MUC6: variants seen among roughly 807,000 people sequenced by gnomAD.
MUC6 encodes mucin 6, oligomeric mucus/gel-forming (gene/pseudogene).
In MUC6, 188 loss-of-function variants were observed where a neutral mutation model predicts 201.5. The ratio of observed to expected loss-of-function variants is 0.93; its 90% CI spans 0.83 to 1.05. The LOEUF (loss-of-function observed/expected upper bound fraction) is 1.05. MUC6 is among the 50% of genes least tolerant of loss of function. The pLI, the probability that MUC6 is intolerant of heterozygous loss-of-function variation, is 0.00. For missense variants in MUC6, 2,706 were observed against 3,256.9 expected (o/e 0.83, Z 4.12); for synonymous variants, 1,228 against 1,389.4 (o/e 0.88, Z 2.58).
chr11:1,022,944 ATG>A (rs1425775451), intron 26 of MUC6, among the ~76,000 whole-genome samples: 5 of 149,422 alleles, frequency 3.3e-5, no homozygotes, highest in Non-Finnish European at 7.4e-5. Context: ...GAGTGAACAA[ATG>A]TGCGTAAATG....
intron 13 of MUC6, 92 bp downstream of exon 13, chr11:1,028,554 G>A: frequency 6.5e-7 from 1 of 1,549,868 alleles, no homozygotes; most frequent in Non-Finnish European, 8.7e-7. Flanking sequence ...AGAGGGTTGT[G>A]TGAACCTCTC....
Position 1,016,586 on chromosome 11 carries a change from C to A in MUC6, c.6215G>T (p.Ser2072Ile), listed in dbSNP as rs374417487. The stretch of plus-strand genomic sequence containing the variant: ...TGTGCTGAATGAGCTGTGGGTTTGG[C>A]TGGTCCCACTGGTGGTCACTGTCAT... ...PPMTVTTSGT[S>I]QTHSSFSTAT... The change falls in exon 31 of 33, where the codon AGC (serine) becomes ATC (isoleucine). Residue 2072 changes from serine to isoleucine, a missense_variant. By Grantham distance (142) the Ser-to-Ile change is moderately radical. Around this residue, in one of 10 missense-constraint regions of MUC6, gnomAD observed 586 missense variants for 488.0 expected, o/e 1.20. Coordinates refer to ENST00000421673, the MANE Select transcript of MUC6 (RefSeq NM_005961.3). 50 of 1,613,574 alleles carry A rather than the reference C, an allele frequency of 3.1e-5. No homozygotes were observed. The highest frequency in any genetic ancestry group is 3.6e-5 in the Non-Finnish European group (43 of 1,179,598).
At position 1,028,390 on chromosome 11, in the gene MUC6, G is replaced by T. The variant is rs542190560; in HGVS notation, c.1592-3C>A. 10 of 1,611,424 alleles carry T rather than the reference G, an allele frequency of 6.2e-6. No individual in the cohort carries two copies. The highest frequency in any genetic ancestry group is 8.5e-6 in the Non-Finnish European group (10 of 1,179,638). ...CCCGTTGAAGTTGCCGCAGAGCCCT[G>T]AGCCGGCGGGGCGTGAGCTCGACTT... On this transcript the variant is annotated splice_region_variant and splice_polypyrimidine_tract_variant and intron_variant, in intron 13 of 32. Transcript: ENST00000421673.
chr11:1,033,318 C>T lies in MUC6; in HGVS notation c.53-243G>A. The T allele has an allele frequency of 1.8e-6, 1 of 568,826 alleles. No individual in the cohort carries two copies. The allele number at this position is 568,826 out of a possible 1,614,324, so 35.2% of individuals were successfully genotyped here. ...ACTCCCTCGTTTGTCCACTCAGTCC[C>T]AGTTCAGCCGTCAGCCCCTCGGGGT... On this transcript the variant is annotated intron_variant, in intron 1 of 32. Coordinates refer to ENST00000421673, the MANE Select transcript of MUC6 (RefSeq NM_005961.3). This position sits in a 1 kb window ranked among gnomAD's most constrained non-coding sequence, Gnocchi z 5.6.
Position 1,021,277 on chromosome 11 carries a change from C to T in MUC6, c.3527G>A (p.Gly1176Asp), listed in dbSNP as rs564268536. The T allele has an allele frequency of 1.1e-4, 172 of 1,568,924 alleles. 6 individuals carry two copies. In the South Asian group the frequency reaches 2.0e-3, roughly 18 times the overall value. Residue 1176 changes from glycine (G) to aspartate (D), a missense_variant and splice_region_variant, in exon 27 of 33, where the codon GGC (glycine) becomes GAC (aspartate). This residue lies in a region of MUC6 where 1,850 missense variants were observed against 1,958.3 expected (regional missense o/e 0.94). Transcript: ENST00000421673. ...PQSVPGSNIE[G>D]CYNCSQDEYF... ...CTCATCCTGGGAGCAGTTGTAGCAGCCTAGGGTGGAGAACGGCCAGGGTCT... is the reference window on the plus strand; with the variant it reads ...CTCATCCTGGGAGCAGTTGTAGCAGTCTAGGGTGGAGAACGGCCAGGGTCT...
rs370813594 is a variant in MUC6 at position 1,029,332 on chromosome 11, G to T, written c.1171C>A (p.Arg391=). The part of the protein sequence containing the change: ...CTLGRWVCTE[R]PCPGHCSLEG... ...AGGGAGCAGTGTCCGGGGCACGGCC[G>T]CTCCGTGCACACCCAGCGGCCCAGG... Residue 391 remains arginine (R), a synonymous_variant, in exon 10 of 33, where the codon CGG becomes AGG. Transcript: ENST00000421673. 6 of 1,603,672 alleles carry T rather than the reference G, an allele frequency of 3.7e-6. No homozygotes were observed. The African/African-American group carries it at 8.0e-5, about 21-fold the overall frequency.
In MUC6 at chr11:1,033,030, T is replaced by C; in HGVS notation, c.98A>G (p.Lys33Arg). 6.2e-7 allele frequency: 1 copy of C among 1,605,926 alleles called. No individual in the cohort carries two copies. Among genetic ancestry groups the C allele is most frequent in the Non-Finnish European group, 8.5e-7 (1 of 1,173,704 alleles). ...SYTSPGLQRLKDSPQTAPDKG... is the reference protein window; with the variant it reads ...SYTSPGLQRLRDSPQTAPDKG... ...GTTCTTACCTGTCTGTGGAGAGTCC[T>C]TCAGCCTCTGGAGGCCTGGGCTGGT... Residue 33 changes from lysine to arginine, a missense_variant, in exon 2 of 33, where the codon AAG (lysine) becomes AGG (arginine). Coordinates refer to ENST00000421673, the MANE Select transcript of MUC6 (RefSeq NM_005961.3). This position sits in a 1 kb window ranked among gnomAD's most constrained non-coding sequence, Gnocchi z 5.6.
intron 26 of MUC6, 42 bp from the exon 27 acceptor site, chr11:1,021,319 G>A (rs1198760856): frequency 1.7e-5 from 24 of 1,400,420 alleles, no homozygotes; most frequent in Non-Finnish European, 2.2e-5. Context: ...CTGGTGGCCA[G>A]CCAGGCCCAC....
intron 1 of MUC6, among the ~76,000 whole-genome samples, chr11:1,034,799 C>T (rs1318407807): frequency 1.3e-5 from 2 of 152,208 alleles, no homozygotes; most frequent in East Asian, 1.9e-4. Context: ...GCTGGCTTCA[C>T]TGCCCCGGGT....
At position 1,025,347 on chromosome 11, in the gene MUC6, C is replaced by G. The variant is rs371296189; in HGVS notation, c.2820G>C (p.Ala940=). The G allele has an allele frequency of 6.2e-7, 1 of 1,610,492 alleles. No individual in the cohort carries two copies. The highest frequency in any genetic ancestry group is 8.5e-7 in the Non-Finnish European group (1 of 1,178,358). Residue 940 remains alanine, a synonymous_variant, in exon 23 of 33, where the codon GCG becomes GCC. Coordinates refer to ENST00000421673, the MANE Select transcript of MUC6 (RefSeq NM_005961.3). ...CCCCGGTGACCGTGTAGTTTCTGTC[C>G]GCCAGCACCACGGACAGGCCCTGTG... ...IFLGGLSVVL[A]DRNYTVTGEE... is the part of the protein sequence containing the mutation.
chr11:1,033,076 C>T lies in MUC6; in HGVS notation c.53-1G>A. 2 of 1,613,236 alleles carry T rather than the reference C, an allele frequency of 1.2e-6. No homozygotes were observed. Among genetic ancestry groups the T allele is most frequent in the Non-Finnish European group, 1.7e-6 (2 of 1,179,370 alleles). On this transcript the variant is annotated splice_acceptor_variant, in intron 1 of 32. Coordinates refer to ENST00000421673, the MANE Select transcript of MUC6 (RefSeq NM_005961.3). LOFTEE classifies it high-confidence loss of function. This position sits in a 1 kb window ranked among gnomAD's most constrained non-coding sequence, Gnocchi z 5.6. ...CTGGTGTAGGAGGTGTTAGCCAGAC[C>T]TGTGTGGACGGGACCCGCAGTCGGT...
chr11:1,013,246 C>T lies in MUC6; in HGVS notation c.*210G>A. ...GTCCGCCTCAGTCCCTCTCTGCTGG[C>T]TCAGGGTCTGCAGGAGTGTGGTAGT... On this transcript the variant is annotated 3_prime_UTR_variant, in exon 33 of 33. Coordinates refer to ENST00000421673, the MANE Select transcript of MUC6 (RefSeq NM_005961.3). The T allele has an allele frequency of 3.4e-6, 2 of 587,600 alleles. No individual in the cohort carries two copies. The highest frequency in any genetic ancestry group is 2.1e-5 in the South Asian group (1 of 47,562). The allele number at this position is 587,600 out of a possible 1,614,324, so 36.4% of individuals were successfully genotyped here. A position where few individuals can be genotyped will look rare whatever the true frequency, so the allele number is the denominator to read the frequency against.
At position 1,031,903 on chromosome 11, in the gene MUC6, C is replaced by T; in HGVS notation, c.266G>A (p.Gly89Asp). Residue 89 changes from glycine to aspartate, a missense_variant, in exon 3 of 33, where the codon GGC (glycine) becomes GAC (aspartate). Gly to Asp is a moderately conservative substitution (Grantham distance 94, BLOSUM62 -1). Transcript: ENST00000421673. ...GATCCGCGAGATGCTCCCGTCTGGG[C>T]CTCGCCGCAGCTGGACACTGAAGGT... Reference protein sequence around the residue: ...FPTFSVQLRRGPDGSISRIIV... With the variant: ...FPTFSVQLRRDPDGSISRIIV... 6.2e-7 allele frequency: 1 copy of T among 1,613,266 alleles called. No homozygotes were observed. The highest frequency in any genetic ancestry group is 1.3e-5 in the African/African-American group (1 of 75,052).
At chr11:1,026,288 C>T in intron 20 of MUC6, 39 bp downstream of exon 20, 4 of 1,551,246 alleles carry the variant, frequency 2.6e-6, no homozygotes, top group Non-Finnish European at 3.5e-6. Flanking sequence ...CCAGATGGCC[C>T]CAGGAGCCCA....
chr11:1,033,136 C>T lies in MUC6; in HGVS notation c.53-61G>A, dbSNP rs961394094. On this transcript the variant is annotated intron_variant, in intron 1 of 32. Transcript: ENST00000421673. The surrounding 1 kb of genome is among the most constrained non-coding windows in gnomAD (Gnocchi z 5.6). ...CCCCGTCGTCCCTGAGGGCGCCGCT[C>T]ACCTCTGCTCAGGGCTGCTCCGCCC... The T allele has an allele frequency of 2.0e-6, 3 of 1,516,472 alleles. No individual in the cohort carries two copies. The highest frequency in any genetic ancestry group is 2.7e-6 in the Non-Finnish European group (3 of 1,092,382). The allele number at this position is 1,516,472 out of a possible 1,614,324, so 93.9% of individuals were successfully genotyped here. A position where few individuals can be genotyped will look rare whatever the true frequency, so the allele number is the denominator to read the frequency against.
At position 1,018,741 on chromosome 11, in the gene MUC6, T is replaced by G. The variant is rs1348408835; in HGVS notation, c.4060A>C (p.Thr1354Pro). 6.4e-7 allele frequency: 1 copy of G among 1,572,358 alleles called. No homozygotes were observed. The highest frequency in any genetic ancestry group is 1.4e-5 in the African/African-American group (1 of 72,318). ...GGGCCTGTCGTCTGGGTGGCCGTTG[T>G]TCCTGGCAGTTCCTGATTGGTCGAT... ...PKSTNQELPG[T>P]TATQTTGPRP... is the part of the protein sequence containing the mutation. Residue 1354 changes from threonine (T) to proline (P), a missense_variant, in exon 31 of 33, where the codon ACA (threonine) becomes CCA (proline). Physicochemically the swap from Thr to Pro is conservative, Grantham distance 38. Coordinates refer to ENST00000421673, the MANE Select transcript of MUC6 (RefSeq NM_005961.3).
chr11:1,031,368 C>T (rs1446512075), intron 4 of MUC6, 109 bp from the exon 5 acceptor site: 56 of 1,192,734 alleles, frequency 4.7e-5, no homozygotes, highest in Middle Eastern at 2.7e-4. Flanking sequence ...ATCCCCCCAC[C>T]TGCTCATCTG....
In MUC6 at chr11:1,025,311, G is replaced by A. The variant is rs1856929396; in HGVS notation, c.2856C>T (p.His952=). 9 of 1,612,378 alleles carry A rather than the reference G, an allele frequency of 5.6e-6. No homozygotes were observed. Among genetic ancestry groups the A allele is most frequent in the African/African-American group, 4.0e-5 (3 of 74,940 alleles). Residue 952 remains histidine (H), a synonymous_variant, in exon 23 of 33, where the codon CAC becomes CAT. Coordinates refer to ENST00000421673, the MANE Select transcript of MUC6 (RefSeq NM_005961.3). ...CACCCGGCGTCACCCCGAGCTGCAC[G>A]TGGGGCTCCTCCCCGGTGACCGTGT... is the stretch of plus-strand genomic sequence containing the variant. ...RNYTVTGEEP[H]VQLGVTPGAL...
chr11:1,019,166 G>T, intron 30 of MUC6, 109 bp downstream of exon 30: 1 of 1,279,198 alleles, frequency 7.8e-7, no homozygotes, highest in Non-Finnish European at 1.1e-6. Flanking sequence ...CTTCTCGCTT[G>T]CCCTCTGGGA....
Sources: allele counts gnomAD v4.1 joint callset (sites outside exome capture counted in the v4.1 genomes callset), GRCh38; gene constraint gnomAD v4.1.1; regional missense constraint gnomAD v4.1.1; non-coding constraint Gnocchi (gnomAD v3.1); transcripts MANE v1.5; gene names NCBI Gene and HGNC (gene_info 2026-07-23, HGNC 2026-07-21).